Variants in MARCHF1 observed in about 807,000 individuals in gnomAD.
MARCHF1 encodes the protein membrane associated ring-CH-type finger 1, also known as E3 ubiquitin-protein ligase MARCHF1.
In MARCHF1, 40 loss-of-function variants were observed where a neutral mutation model predicts 54.2. That is an observed-to-expected ratio of 0.74 (90% confidence interval 0.57 to 0.96). The LOEUF is 0.96. Among genes scored for constraint, MARCHF1 ranks in the 40% least tolerant of loss-of-function variants. The pLI, the probability that MARCHF1 is intolerant of heterozygous loss-of-function variation, is 0.00. For missense variants in MARCHF1, 586 were observed against 656.5 expected (o/e 0.89, Z 1.17); for synonymous variants, 236 against 236.3 (o/e 1.00, Z 0.01).
At chr4:163,593,355 C>T (rs1247186014) in intron 7 of MARCHF1, among the ~76,000 whole-genome samples, 1 of 152,114 alleles carries the variant, frequency 6.6e-6, no homozygotes, top group Non-Finnish European at 1.5e-5. Flanking sequence ...TAGCTGCATA[C>T]ATTGAAGTAA....
At chr4:163,726,276 C>T (rs1745650473) in intron 4 of MARCHF1, among the ~76,000 whole-genome samples, 2 of 152,122 alleles carry the variant, frequency 1.3e-5, no homozygotes, top group African/African-American at 4.8e-5. Flanking sequence ...GCCTATTCAT[C>T]CCTCTCTCCC....
At chr4:163,690,023 T>C (rs1436507012) in intron 5 of MARCHF1, among the ~76,000 whole-genome samples, 4 of 152,144 alleles carry the variant, frequency 2.6e-5, no homozygotes, top group Non-Finnish European at 5.9e-5. Context: ...TCTGAGGTTT[T>C]TGGGAGCCTG....
At chr4:164,013,838 G>C (rs1332335596) in intron 2 of MARCHF1, among the ~76,000 whole-genome samples, 1 of 152,108 alleles carries the variant, frequency 6.6e-6, no homozygotes, top group Non-Finnish European at 1.5e-5. Flanking sequence ...AAAAGCTGAG[G>C]AATTTCTCAA....
At chr4:164,376,839 T>C (rs953443528) in intron 1 of MARCHF1, among the ~76,000 whole-genome samples, 3 of 152,176 alleles carry the variant, frequency 2.0e-5, no homozygotes, top group Non-Finnish European at 4.4e-5. Flanking sequence ...CCTACAATGA[T>C]TGCCCGAGCC....
intron 1 of MARCHF1, 42 bp downstream of exon 1, chr4:164,383,828 C>G (rs901773504): frequency 1.3e-5 from 2 of 152,656 alleles, no homozygotes; most frequent in Middle Eastern, 3.4e-3. Flanking sequence ...GAAGGGGCTC[C>G]CAGTGAGGCT....
intron 4 of MARCHF1, among the ~76,000 whole-genome samples, chr4:163,768,960 C>T (rs920092088): frequency 2.0e-5 from 3 of 151,912 alleles, no homozygotes; most frequent in Admixed American, 1.3e-4. Context: ...ACAATAATGC[C>T]GAAAATATTT....
In MARCHF1 at chr4:164,222,995, C is replaced by T. The variant is rs957361633; in HGVS notation, c.-322-111333G>A. 9.2e-5 allele frequency among the ~76,000 whole-genome samples: 14 copies of T among 152,048 alleles called. No individual in the cohort carries two copies. In the South Asian group the frequency reaches 1.2e-3, roughly 14 times the overall value. ...AGGAAGAGAAAAGGGACTTCTTAAA[C>T]GGCAGCAGGGAAGGGAGCTTGTGCA... On this transcript the variant is annotated intron_variant, in intron 1 of 9. Coordinates refer to ENST00000514618, the MANE Select transcript of MARCHF1 (RefSeq NM_001394959.1).
chr4:163,783,045 A>C (rs62333032), intron 4 of MARCHF1, among the ~76,000 whole-genome samples: 12,708 of 152,292 alleles, frequency 0.083, 673 homozygotes, highest in Non-Finnish European at 0.12. Flanking sequence ...AAGATAAAGA[A>C]AGATCAGAAA....
chr4:163,760,042 GTC>G (rs545205361), intron 4 of MARCHF1, among the ~76,000 whole-genome samples: 80 of 152,324 alleles, frequency 5.3e-4, no homozygotes, highest in African/African-American at 1.9e-3. Flanking sequence ...TCTGAAATGT[GTC>G]TCACTGGCTA....
intron 1 of MARCHF1, among the ~76,000 whole-genome samples, chr4:164,235,279 C>A (rs546424679): frequency 6.6e-6 from 1 of 152,152 alleles, no homozygotes; most frequent in East Asian, 1.9e-4. Context: ...CCCTAAATAA[C>A]AAAAATATAC....
At chr4:164,093,008 G>C (rs10020936) in intron 2 of MARCHF1, among the ~76,000 whole-genome samples, 1 of 152,188 alleles carries the variant, frequency 6.6e-6, no homozygotes, top group East Asian at 1.9e-4. Context: ...AAGAACCTTG[G>C]TAATTTGAAG....
chr4:164,313,152 T>C (rs1463710103), intron 1 of MARCHF1, among the ~76,000 whole-genome samples: 3 of 149,990 alleles, frequency 2.0e-5, no homozygotes, highest in South Asian at 2.1e-4. Flanking sequence ...TCCTGGCTAA[T>C]TCAGTGAAAC....
intron 8 of MARCHF1, among the ~76,000 whole-genome samples, chr4:163,582,240 T>C (rs181417714): frequency 2.5e-3 from 380 of 152,338 alleles, no homozygotes; most frequent in Non-Finnish European, 4.4e-3. Context: ...CTCAGAATTA[T>C]TTCTGACCTT....
At chr4:164,166,318 C>A (rs181517929) in intron 1 of MARCHF1, among the ~76,000 whole-genome samples, 2 of 151,974 alleles carry the variant, frequency 1.3e-5, no homozygotes, top group African/African-American at 4.8e-5. Context: ...CATCAAAGTC[C>A]AAATGAAGTG....
intron 4 of MARCHF1, among the ~76,000 whole-genome samples, chr4:163,728,558 T>C (rs2111317446): frequency 6.6e-6 from 1 of 152,348 alleles, no homozygotes; most frequent in Middle Eastern, 3.4e-3. Flanking sequence ...TTTTGAGTGC[T>C]AATATAAAAG....
intron 2 of MARCHF1, among the ~76,000 whole-genome samples, chr4:164,046,381 T>A (rs1251910411): frequency 6.6e-6 from 1 of 152,268 alleles, no homozygotes; most frequent in African/African-American, 2.4e-5. Flanking sequence ...ACTCATGAAG[T>A]ATTGTCTCCA....
chr4:163,689,042 C>T (rs1424988656), intron 5 of MARCHF1, among the ~76,000 whole-genome samples: 1 of 152,080 alleles, frequency 6.6e-6, no homozygotes, highest in Non-Finnish European at 1.5e-5. Context: ...CCATGTTATT[C>T]ATTGCTTTTG....
At chr4:164,381,801 A>G (rs1176505261) in intron 1 of MARCHF1, among the ~76,000 whole-genome samples, 4 of 152,206 alleles carry the variant, frequency 2.6e-5, no homozygotes, top group Non-Finnish European at 5.9e-5. Context: ...GTTCTCTAAG[A>G]ACCTTAAAGT....
At chr4:164,247,226 G>T (rs1732975371) in intron 1 of MARCHF1, among the ~76,000 whole-genome samples, 2 of 102,096 alleles carry the variant, frequency 2.0e-5, no homozygotes, top group Non-Finnish European at 3.9e-5. Context: ...AACAATGATA[G>T]ACTGGATTAA....
Sources: allele counts gnomAD v4.1 joint callset (sites outside exome capture counted in the v4.1 genomes callset), GRCh38; gene constraint gnomAD v4.1.1; transcripts MANE v1.5; gene names NCBI Gene and HGNC (gene_info 2026-07-23, HGNC 2026-07-21).